Variants in LRP1B observed in about 807,000 individuals in gnomAD.
LRP1B encodes low-density lipoprotein receptor-related protein 1B.
In LRP1B, 217 loss-of-function variants were observed where a neutral mutation model predicts 556.6. The ratio of observed to expected loss-of-function variants is 0.39; its 90% confidence interval spans 0.35 to 0.44. The LOEUF (loss-of-function observed/expected upper bound fraction) is 0.44. Ranked by LOEUF, LRP1B falls within the 20% of genes least tolerant of loss-of-function variation. The probability of loss-of-function intolerance (pLI) is 1.00; values close to 1 mark genes in which losing one functional copy is unlikely to be tolerated. For synonymous variants in LRP1B, 2,047 were observed against 1,865.8 expected (o/e 1.10, Z -2.50); for missense variants, 5,053 against 5,620.8 (o/e 0.90, Z 3.23).
In LRP1B at chr2:140,442,459, T is replaced by C. The variant is rs756574589; in HGVS notation, c.10414+45A>G. On this transcript the variant is annotated intron_variant, in intron 66 of 90. Transcript: ENST00000389484. The stretch of plus-strand genomic sequence containing the variant: ...GTTTAACTGTGGTTGTCGCAGATGA[T>C]GACTCAAATACGGAGAGATAAGACC... 8 of 1,578,286 alleles carry C rather than the reference T, an allele frequency of 5.1e-6. No individual in the cohort carries two copies. The Admixed American group carries it at 5.6e-5, about 11-fold the overall frequency.
intron 66 of LRP1B, among the ~76,000 whole-genome samples, chr2:140,403,173 G>A (rs1479396541): frequency 2.0e-5 from 3 of 152,082 alleles, no homozygotes; most frequent in African/African-American, 7.2e-5. Context: ...AGAAGAATTA[G>A]TTTACCCAAA....
chr2:141,356,083 C>T (rs1217635427), intron 3 of LRP1B, among the ~76,000 whole-genome samples: 3 of 152,098 alleles, frequency 2.0e-5, no homozygotes, highest in Non-Finnish European at 4.4e-5. Flanking sequence ...ATTAGGTATA[C>T]CCACCTCAAA....
At chr2:141,409,786 T>C (rs1690783292) in intron 3 of LRP1B, among the ~76,000 whole-genome samples, 1 of 151,920 alleles carries the variant, frequency 6.6e-6, no homozygotes, top group Non-Finnish European at 1.5e-5. Flanking sequence ...CGAGGGGAGA[T>C]GTAATTATTA....
At chr2:141,775,990 C>T (rs1695057739) in intron 2 of LRP1B, among the ~76,000 whole-genome samples, 1 of 151,198 alleles carries the variant, frequency 6.6e-6, no homozygotes, top group Non-Finnish European at 1.5e-5. Flanking sequence ...CTACAGGTGC[C>T]CGTCATCACG....
At chr2:141,952,132 A>C (rs1033937817) in intron 1 of LRP1B, among the ~76,000 whole-genome samples, 1 of 151,908 alleles carries the variant, frequency 6.6e-6, no homozygotes, top group Non-Finnish European at 1.5e-5. Flanking sequence ...TAGTTTGCTC[A>C]GAATGATGGT....
At chr2:141,888,879 C>T (rs1699201629) in intron 1 of LRP1B, among the ~76,000 whole-genome samples, 1 of 152,112 alleles carries the variant, frequency 6.6e-6, no homozygotes, top group African/African-American at 2.4e-5. Context: ...ATATTGTATA[C>T]ATGCAGAGCT....
intron 1 of LRP1B, among the ~76,000 whole-genome samples, chr2:142,085,913 A>G (rs763304095): frequency 1.3e-5 from 2 of 152,214 alleles, no homozygotes; most frequent in Admixed American, 1.3e-4. Context: ...CTCTGGGCAT[A>G]TATATCTAAA....
At chr2:141,764,948 T>C (rs1198340894) in intron 2 of LRP1B, among the ~76,000 whole-genome samples, 1 of 152,142 alleles carries the variant, frequency 6.6e-6, no homozygotes, top group Non-Finnish European at 1.5e-5. Context: ...TTTAAATTGG[T>C]GCCAGAGGAT....
rs1691372185 is a variant in LRP1B, at chr2:141,687,980, A to T, written c.205+122299T>A. 4.0e-5 allele frequency among the ~76,000 whole-genome samples: 6 copies of T among 149,826 alleles called. No homozygotes were observed. In the Admixed American group the frequency reaches 4.0e-4, roughly 10 times the overall value. ...GTAATTTTGCAATTCCAATTTTTTA[A>T]TCTTTATTTATTAATAAATTATGAT... On this transcript the variant is annotated intron_variant, in intron 2 of 90. Coordinates refer to ENST00000389484, the MANE Select transcript of LRP1B (RefSeq NM_018557.3).
intron 2 of LRP1B, among the ~76,000 whole-genome samples, chr2:141,761,229 T>C (rs1473969013): frequency 1.3e-5 from 2 of 151,392 alleles, no homozygotes; most frequent in African/African-American, 4.9e-5. Flanking sequence ...GTGAAAACTA[T>C]TTTTTTTCCA....
chr2:141,277,327 C>T (rs376203280), intron 3 of LRP1B, among the ~76,000 whole-genome samples: 2 of 152,278 alleles, frequency 1.3e-5, no homozygotes, highest in East Asian at 3.9e-4. Flanking sequence ...TTAATAATAG[C>T]CATTCTAACT....
At chr2:141,185,722 A>T (rs191658955) in intron 7 of LRP1B, among the ~76,000 whole-genome samples, 1 of 151,548 alleles carries the variant, frequency 6.6e-6, no homozygotes, top group African/African-American at 2.4e-5. Context: ...GAACCAAAAA[A>T]TTATATTTCT....
intron 44 of LRP1B, 123 bp from the exon 45 acceptor site, chr2:140,541,221 A>T (rs1448538605): frequency 1.2e-6 from 1 of 845,332 alleles, no homozygotes; most frequent in Non-Finnish European, 1.8e-6. Flanking sequence ...AAAAAGGAAC[A>T]TTCAGGATTT....
intron 3 of LRP1B, among the ~76,000 whole-genome samples, chr2:141,272,321 C>T (rs537813563): frequency 9.9e-5 from 15 of 151,688 alleles, no homozygotes; most frequent in Admixed American, 9.2e-4. Context: ...CAACTCAAAC[C>T]TAATGAAATA....
intron 1 of LRP1B, among the ~76,000 whole-genome samples, chr2:141,932,751 C>A (rs1700539908): frequency 6.6e-6 from 1 of 151,702 alleles, no homozygotes. Flanking sequence ...TTTTAAATGA[C>A]CTGTTTCTTG....
intron 39 of LRP1B, 101 bp from the exon 40 acceptor site, chr2:140,701,946 G>T (rs1686660403): frequency 6.8e-6 from 10 of 1,462,262 alleles, no homozygotes; most frequent in Non-Finnish European, 7.5e-6. Flanking sequence ...AGAAGGGAAA[G>T]AAACCAACTT....
chr2:141,397,005 C>T (rs954399075), intron 3 of LRP1B, among the ~76,000 whole-genome samples: 2 of 148,504 alleles, frequency 1.3e-5, no homozygotes, highest in African/African-American at 2.5e-5. Context: ...CCCAACTACT[C>T]GGGAGGCTTA....
At chr2:141,335,446 T>C (rs1687813542) in intron 3 of LRP1B, among the ~76,000 whole-genome samples, 1 of 152,116 alleles carries the variant, frequency 6.6e-6, no homozygotes, top group South Asian at 2.1e-4. Context: ...AAGGCTGAAA[T>C]AGAGTAGTTT....
chr2:140,683,725 C>G, intron 41 of LRP1B: 1 of 792,224 alleles, frequency 1.3e-6, no homozygotes, highest in South Asian at 1.4e-5. Flanking sequence ...ACTCTGTGCT[C>G]CCCGGGCTAG....
Sources: gnomAD v4.1 joint callset for allele counts (sites outside exome capture counted in the v4.1 genomes callset) on GRCh38, gnomAD v4.1.1 for gene constraint, MANE v1.5 for transcripts, NCBI Gene and HGNC (gene_info 2026-07-23, HGNC 2026-07-21) for gene names.